The following RANBP2 variants were observed in gnomAD, a reference collection of about 807,000 sequenced individuals.
RANBP2 encodes the protein E3 SUMO-protein ligase RanBP2.
In RANBP2, 57 loss-of-function variants were observed where a neutral mutation model predicts 303.6. The ratio of observed to expected loss-of-function variants is 0.19; its 90% CI spans 0.15 to 0.23. The LOEUF is 0.23. RANBP2 is among the 10% of genes least tolerant of loss of function. The pLI is 1.00. For synonymous variants in RANBP2, 1,167 were observed against 1,301.5 expected (o/e 0.90, Z 2.23); for missense variants, 3,138 against 3,780.8 (o/e 0.83, Z 4.46).
chr2:109,369,452 T>C, the RANBP2 span, among the ~76,000 whole-genome samples: 1 of 152,256 alleles, frequency 6.6e-6, no homozygotes, highest in Non-Finnish European at 1.5e-5. Context: ...ACTTTTGGGC[T>C]GTGTGAAGTG....
At chr2:109,433,858 A>G in the RANBP2 span, among the ~76,000 whole-genome samples, 1 of 152,214 alleles carries the variant, frequency 6.6e-6, no homozygotes, top group Non-Finnish European at 1.5e-5. Context: ...TTGAGAAGCA[A>G]ACTGCAGAGG....
chr2:108,772,554 T>G lies in RANBP2; in HGVS notation c.8086T>G (p.Cys2696Gly). Residue 2696 changes from cysteine (C) to glycine (G), a missense_variant, in exon 22 of 29, where the codon TGT becomes GGT. This residue lies in a region of RANBP2 where 497 missense variants were observed against 465.8 expected (regional missense o/e 1.07). Transcript: ENST00000283195. ...GKLYLDGSEK[C>G]RPLEENTADN... The stretch of plus-strand genomic sequence containing the variant: ...ACTATATTTGGATGGCTCAGAAAAA[T>G]GTAGACCCTTGGAAGAAAATACAGC... 6.2e-7 allele frequency: 1 copy of G among 1,613,798 alleles called. No homozygotes were observed. The highest frequency in any genetic ancestry group is 8.5e-7 in the Non-Finnish European group (1 of 1,179,838).
chr2:109,111,565 C>T, the RANBP2 span, among the ~76,000 whole-genome samples: 181 of 151,840 alleles, frequency 1.2e-3, no homozygotes, highest in Non-Finnish European at 1.7e-3. Context: ...TTGCAAACTC[C>T]CTGCATTTTG....
At chr2:108,797,849 T>A in the RANBP2 span, among the ~76,000 whole-genome samples, 1 of 152,000 alleles carries the variant, frequency 6.6e-6, no homozygotes, top group African/African-American at 2.4e-5. Flanking sequence ...CTTTGGAGAA[T>A]GAGGGAGAGA....
the RANBP2 span, among the ~76,000 whole-genome samples, chr2:109,506,015 C>T: frequency 4.6e-5 from 7 of 152,222 alleles, no homozygotes; most frequent in South Asian, 2.1e-4. Flanking sequence ...ATTCAAATCA[C>T]GTACTTCACT....
chr2:108,721,726 C>T (rs826537), intron 1 of RANBP2, among the ~76,000 whole-genome samples: 39,301 of 151,736 alleles, frequency 0.26, 5,458 homozygotes, highest in African/African-American at 0.35. Context: ...GGATTATAGG[C>T]GTGAGCCACT....
At chr2:109,202,883 T>G in the RANBP2 span, among the ~76,000 whole-genome samples, 9 of 152,250 alleles carry the variant, frequency 5.9e-5, no homozygotes, top group Non-Finnish European at 1.0e-4. Flanking sequence ...CTTGGCTGAT[T>G]AGCACAGTTT....
At chr2:108,941,812 C>T in the RANBP2 span, among the ~76,000 whole-genome samples, 11 of 152,228 alleles carry the variant, frequency 7.2e-5, no homozygotes, top group Admixed American at 1.3e-4. Context: ...GCCCTCACTA[C>T]GCAAGGGCAC....
At chr2:109,367,430 C>T in the RANBP2 span, among the ~76,000 whole-genome samples, 22 of 152,074 alleles carry the variant, frequency 1.4e-4, 1 homozygote, top group Admixed American at 5.9e-4. Flanking sequence ...TACAGGCACA[C>T]GGCCTCATGC....
the RANBP2 span, among the ~76,000 whole-genome samples, chr2:108,984,179 C>T: frequency 2.0e-5 from 3 of 152,276 alleles, no homozygotes; most frequent in East Asian, 3.9e-4. Context: ...ATGGATCATT[C>T]CTCTCCTGCC....
At chr2:109,254,652 T>G in the RANBP2 span, among the ~76,000 whole-genome samples, 15 of 152,142 alleles carry the variant, frequency 9.9e-5, no homozygotes, top group Admixed American at 3.3e-4. Flanking sequence ...TTCTGCTGGG[T>G]TTCACTTCCT....
chr2:109,387,242 C>A, the RANBP2 span, among the ~76,000 whole-genome samples: 1 of 152,212 alleles, frequency 6.6e-6, no homozygotes, highest in African/African-American at 2.4e-5. Flanking sequence ...ATTCTCATAA[C>A]ATGATTGCAG....
chr2:108,885,827 T>C, the RANBP2 span, among the ~76,000 whole-genome samples: 1 of 152,218 alleles, frequency 6.6e-6, no homozygotes, highest in Admixed American at 6.5e-5. Context: ...GTGATCAAAT[T>C]TTTTAGCTTC....
At chr2:108,996,741 C>T in the RANBP2 span, among the ~76,000 whole-genome samples, 83 of 152,228 alleles carry the variant, frequency 5.5e-4, no homozygotes, top group African/African-American at 1.9e-3. Flanking sequence ...CCTGAAGTCT[C>T]GGTGGCATAA....
chr2:109,249,195 G>A, the RANBP2 span, among the ~76,000 whole-genome samples: 2 of 152,144 alleles, frequency 1.3e-5, no homozygotes, highest in Non-Finnish European at 1.5e-5. Flanking sequence ...AACTACACTC[G>A]TTAACTTCAG....
chr2:109,316,489 C>T, the RANBP2 span, among the ~76,000 whole-genome samples: 48 of 152,196 alleles, frequency 3.2e-4, no homozygotes, highest in Non-Finnish European at 5.9e-4. Flanking sequence ...TAGCCCATGA[C>T]ATGGAGAGAA....
the RANBP2 span, among the ~76,000 whole-genome samples, chr2:109,121,248 CT>C: frequency 1.8e-5 from 2 of 110,826 alleles, no homozygotes; most frequent in African/African-American, 7.1e-5. Flanking sequence ...CTCCATCTCT[CT>C]AAAACAAAAC....
chr2:109,304,003 AG>A, the RANBP2 span, among the ~76,000 whole-genome samples: 136 of 152,166 alleles, frequency 8.9e-4, no homozygotes, highest in Middle Eastern at 3.4e-3. Flanking sequence ...TCAGAGGCTG[AG>A]GCAGGAGAAT....
chr2:109,370,450 G>A, the RANBP2 span, among the ~76,000 whole-genome samples: 1 of 151,964 alleles, frequency 6.6e-6, no homozygotes, highest in Non-Finnish European at 1.5e-5. Context: ...ATATTGGTCA[G>A]GCTGGTCTCA....
Sources: gnomAD v4.1 joint callset for allele counts (sites outside exome capture counted in the v4.1 genomes callset) on GRCh38, gnomAD v4.1.1 for gene constraint, gnomAD v4.1.1 regional missense constraint, MANE v1.5 for transcripts, NCBI Gene and HGNC (gene_info 2026-07-23, HGNC 2026-07-21) for gene names.